LITAF: variants seen among roughly 807,000 people sequenced by gnomAD.
LITAF encodes the protein lipopolysaccharide induced TNF factor.
In LITAF, 9 loss-of-function variants were observed where a neutral mutation model predicts 14.5. The observed-to-expected ratio is 0.62, with a 90% CI of 0.37 to 1.08. The LOEUF is 1.08. Ranked by LOEUF, LITAF falls within the 50% of genes least tolerant of loss-of-function variation. LITAF has a pLI of 0.01. For missense variants in LITAF, 206 were observed against 213.4 expected (o/e 0.97, Z 0.22); for synonymous variants, 98 against 88.2 (o/e 1.11, Z -0.62).
intron 2 of LITAF, among the ~76,000 whole-genome samples, chr16:11,635,248 C>T (rs2065133758): frequency 1.3e-5 from 2 of 152,146 alleles, no homozygotes; most frequent in Admixed American, 1.3e-4. Flanking sequence ...AGCATAAAGA[C>T]AGATGCACCC....
upstream of LITAF, among the ~76,000 whole-genome samples, chr16:11,640,171 G>A (rs140692137): frequency 1.1e-3 from 166 of 152,292 alleles, no homozygotes; most frequent in African/African-American, 3.8e-3. Flanking sequence ...AGGCATTCAC[G>A]GCTGGATCCG....
At chr16:11,552,222 C>T (rs900055708) in intron 3 of LITAF, among the ~76,000 whole-genome samples, 3 of 152,262 alleles carry the variant, frequency 2.0e-5, no homozygotes, top group South Asian at 2.1e-4. Flanking sequence ...AATGGAGCCC[C>T]TTGGGGTTTT....
chr16:11,613,512 C>T (rs544953052), intron 3 of LITAF, among the ~76,000 whole-genome samples: 2 of 152,172 alleles, frequency 1.3e-5, no homozygotes, highest in African/African-American at 2.4e-5. Context: ...TCGAAGACAT[C>T]GGTGATTCAC....
rs1271246559 is a variant in LITAF at position 11,586,273 on chromosome 16, G to A, written c.-6+613C>T. ...GGGAGGGGTCAGGCCTAGGGGCCAC[G>A]GCCCGCTTCGCTCTCTGATTTTCAC... On this transcript the variant is annotated intron_variant, in intron 1 of 3. Coordinates refer to ENST00000622633, the MANE Select transcript of LITAF (RefSeq NM_001136472.2). The surrounding 1 kb of genome is among the most constrained non-coding windows in gnomAD (Gnocchi z 6.5). The A allele has an allele frequency of 1.3e-5, 2 of 152,238 alleles. No individual in the cohort carries two copies. Among genetic ancestry groups the A allele is most frequent in the East Asian group, 3.9e-4 (2 of 5,158 alleles). The allele number at this position is 152,238 out of a possible 1,614,324, so 9.4% of individuals were successfully genotyped here.
intron 1 of LITAF, among the ~76,000 whole-genome samples, chr16:11,574,774 TAAC>T (rs916040929): frequency 6.7e-6 from 1 of 148,646 alleles, no homozygotes; most frequent in Admixed American, 6.8e-5. Flanking sequence ...AAATTTGCAC[TAAC>T]AACATCCTAT....
upstream of LITAF, among the ~76,000 whole-genome samples, chr16:11,592,058 GA>G (rs1202308120): frequency 2.6e-5 from 4 of 152,106 alleles, no homozygotes; most frequent in African/African-American, 9.7e-5. Context: ...TTATAAATAT[GA>G]AAACAAATGC....
At chr16:11,598,876 G>C (rs1045333012), upstream of LITAF, among the ~76,000 whole-genome samples, 1 of 152,090 alleles carries the variant, frequency 6.6e-6, no homozygotes, top group Non-Finnish European at 1.5e-5. Context: ...CTGGAGTGCA[G>C]TGGCGCAATC....
At chr16:11,576,618 T>C (rs77234327) in intron 1 of LITAF, among the ~76,000 whole-genome samples, 1 of 149,372 alleles carries the variant, frequency 6.7e-6, no homozygotes, top group African/African-American at 2.5e-5. Context: ...TCTGTGGTTC[T>C]ACACGGTCCC....
chr16:11,563,209 C>T (rs1379665619), intron 1 of LITAF, among the ~76,000 whole-genome samples: 1 of 151,962 alleles, frequency 6.6e-6, no homozygotes, highest in African/African-American at 2.4e-5. Flanking sequence ...AACGCAGTGG[C>T]GTGATCTTGG....
At chr16:11,591,827 G>A (rs914980513), upstream of LITAF, among the ~76,000 whole-genome samples, 4 of 151,320 alleles carry the variant, frequency 2.6e-5, no homozygotes, top group Non-Finnish European at 4.4e-5. Flanking sequence ...GACCTCAAGC[G>A]ATCCGCCCAC....
At position 11,627,250 on chromosome 16, in the gene LITAF, T is replaced by A. The variant is rs549206491; in HGVS notation, c.85+6283A>T. Among the ~76,000 whole-genome samples the A allele has an allele frequency of 9.2e-5, 14 of 152,306 alleles. No homozygotes were observed. In the South Asian group the frequency reaches 2.9e-3, roughly 32 times the overall value. On this transcript the variant is annotated intron_variant, in intron 3 of 3. Transcript: ENST00000574848. ...AAGACCCTTGCTGGAGCTCCTTGAA[T>A]AAGACGAATTCTTTACAAGGCTGGT...
At chr16:11,555,658 CAAAA>C (rs5815645) in intron 2 of LITAF, among the ~76,000 whole-genome samples, 2 of 122,020 alleles carry the variant, frequency 1.6e-5, no homozygotes. Flanking sequence ...GACCCTGTCT[CAAAA>C]AAAAAAAAAA....
At chr16:11,638,117 T>TCTATATAGATAGATATATATAG (rs1555475731), upstream of LITAF, among the ~76,000 whole-genome samples, 5 of 69,534 alleles carry the variant, frequency 7.2e-5, no homozygotes, top group African/African-American at 4.8e-4. Flanking sequence ...TATCTATCTA[T>TCTATATAGATAGATATATATAG]ATAGATAGAT....
intron 3 of LITAF, among the ~76,000 whole-genome samples, chr16:11,550,145 C>A (rs986091423): frequency 6.6e-6 from 1 of 152,134 alleles, no homozygotes; most frequent in Non-Finnish European, 1.5e-5. Flanking sequence ...TGGAGTCTCG[C>A]TCTGTCGCCC....
At chr16:11,606,768 G>T (rs919402303) in intron 3 of LITAF, among the ~76,000 whole-genome samples, 1 of 151,946 alleles carries the variant, frequency 6.6e-6, no homozygotes, top group Non-Finnish European at 1.5e-5. Context: ...CCGAGTAGCT[G>T]GGACTACAGG....
rs915623101 is a variant in LITAF at position 11,634,188 on chromosome 16, T to C, written c.-20-551A>G. 6.6e-6 allele frequency among the ~76,000 whole-genome samples: 1 copy of C among 151,986 alleles called. No individual in the cohort carries two copies. Among genetic ancestry groups the C allele is most frequent in the African/African-American group, 2.4e-5 (1 of 41,362 alleles). On this transcript the variant is annotated intron_variant, in intron 2 of 3. Transcript: ENST00000574848. This position sits in a 1 kb window ranked among gnomAD's most constrained non-coding sequence, Gnocchi z 4.1. ...TCTTTGCAAAAATTATAACAGAAAA[T>C]TGTGACAGTGAAGGAGACCTGATCT...
chr16:11,622,778 A>C (rs976978297), intron 3 of LITAF, among the ~76,000 whole-genome samples: 4 of 152,094 alleles, frequency 2.6e-5, no homozygotes, highest in Non-Finnish European at 5.9e-5. Context: ...TGCCTGCTCT[A>C]AACTGTGGAA....
At chr16:11,631,182 A>G (rs1028043208) in intron 3 of LITAF, among the ~76,000 whole-genome samples, 3 of 152,200 alleles carry the variant, frequency 2.0e-5, no homozygotes, top group East Asian at 1.9e-4. Context: ...CAAGTGAGCT[A>G]TCGGTGTCCT....
chr16:11,554,369 G>A (rs559893498), intron 2 of LITAF, among the ~76,000 whole-genome samples: 2 of 152,260 alleles, frequency 1.3e-5, no homozygotes, highest in East Asian at 1.9e-4. Context: ...GCCAGGAAAC[G>A]CAGGCCAACT....
Sources: allele counts gnomAD v4.1 joint callset (sites outside exome capture counted in the v4.1 genomes callset), GRCh38; gene constraint gnomAD v4.1.1; non-coding constraint Gnocchi (gnomAD v3.1); transcripts MANE v1.5; gene names NCBI Gene and HGNC (gene_info 2026-07-23, HGNC 2026-07-21).